The following ELOC variants were observed in gnomAD, a reference collection of about 807,000 sequenced individuals.
ELOC encodes the protein elongin-C.
For missense variants in ELOC, 38 were observed against 139.0 expected, an observed-to-expected ratio of 0.27 and a Z score of 3.65; for synonymous variants, 40 against 51.3, an observed-to-expected ratio of 0.78 and a Z score of 0.94.
At position 73,956,968 on chromosome 8, in the gene ELOC, G is replaced by A. The variant is rs566093582; in HGVS notation, c.5-914C>T. 1.5e-4 allele frequency among the ~76,000 whole-genome samples: 22 copies of A among 151,724 alleles called. No homozygotes were observed. In the East Asian group the frequency reaches 3.9e-3, roughly 27 times the overall value. ...CATCCTGGCTAACACAGTGGAGATC[G>A]AGACCATCCTGGCTAACACGGTGAA... On this transcript the variant is annotated intron_variant, in intron 2 of 3. Coordinates refer to ENST00000520242, the MANE Select transcript of ELOC (RefSeq NM_005648.4).
At chr8:73,957,407 C>G (rs533959750) in intron 2 of ELOC, among the ~76,000 whole-genome samples, 1 of 151,974 alleles carries the variant, frequency 6.6e-6, no homozygotes, top group Non-Finnish European at 1.5e-5. Flanking sequence ...TTAATTTTTA[C>G]AATTTTGTAC....
At chr8:73,954,452 G>A (rs529915227) in intron 3 of ELOC, among the ~76,000 whole-genome samples, 49 of 151,366 alleles carry the variant, frequency 3.2e-4, no homozygotes, top group African/African-American at 1.1e-3. Flanking sequence ...AGGTCAGATC[G>A]AGACCATCCT....
At chr8:73,966,910 G>A (rs1815016204) in intron 1 of ELOC, among the ~76,000 whole-genome samples, 1 of 152,080 alleles carries the variant, frequency 6.6e-6, no homozygotes, top group Non-Finnish European at 1.5e-5. Context: ...CTTGATTTCA[G>A]CCCTCCATAT....
intron 1 of ELOC, among the ~76,000 whole-genome samples, chr8:73,971,588 A>G (rs925843065): frequency 6.6e-6 from 1 of 152,096 alleles, no homozygotes; most frequent in East Asian, 1.9e-4. Context: ...GACGGCCAGT[A>G]GATGCACGAT....
chr8:73,969,383 GACT>G (rs764483317), intron 1 of ELOC, among the ~76,000 whole-genome samples: 1 of 152,116 alleles, frequency 6.6e-6, no homozygotes, highest in Non-Finnish European at 1.5e-5. Flanking sequence ...TTCCAAATCA[GACT>G]ACTACTCACT....
chr8:73,955,789 A>T, intron 3 of ELOC, 122 bp downstream of exon 3: 1 of 1,159,808 alleles, frequency 8.6e-7, no homozygotes, highest in Non-Finnish European at 1.2e-6. Flanking sequence ...ACAAAAACAT[A>T]ATCATACAAC....
At chr8:73,967,422 CTTTA>C (rs1304362295) in intron 1 of ELOC, among the ~76,000 whole-genome samples, 1 of 150,854 alleles carries the variant, frequency 6.6e-6, no homozygotes, top group Non-Finnish European at 1.5e-5. Flanking sequence ...TCCAACAAAA[CTTTA>C]TTTATGGGCA....
At chr8:73,952,772 G>GA (rs34157631) in intron 3 of ELOC, among the ~76,000 whole-genome samples, 51,268 of 138,756 alleles carry the variant, frequency 0.37, 9,488 homozygotes, top group East Asian at 0.43. Flanking sequence ...CAGGTGTCTC[G>GA]AAAAAAAAAA....
chr8:73,960,345 C>A (rs1490621206), intron 1 of ELOC, among the ~76,000 whole-genome samples: 1 of 152,174 alleles, frequency 6.6e-6, no homozygotes, highest in African/African-American at 2.4e-5. Flanking sequence ...GAGGTGGCCT[C>A]TAAATCCTTG....
At chr8:73,954,554 A>G (rs190767835) in intron 3 of ELOC, among the ~76,000 whole-genome samples, 139 of 151,504 alleles carry the variant, frequency 9.2e-4, no homozygotes, top group Admixed American at 1.9e-3. Flanking sequence ...TGGGAGGCTG[A>G]GGCATGAGAA....
At chr8:73,958,812 A>G (rs748746753) in intron 2 of ELOC, among the ~76,000 whole-genome samples, 1 of 152,208 alleles carries the variant, frequency 6.6e-6, no homozygotes, top group African/African-American at 2.4e-5. Flanking sequence ...ATAGTCATGC[A>G]TTGCTTAACG....
At chr8:73,962,949 A>T (rs111844851) in intron 1 of ELOC, among the ~76,000 whole-genome samples, 2 of 152,218 alleles carry the variant, frequency 1.3e-5, no homozygotes, top group Non-Finnish European at 2.9e-5. Flanking sequence ...CTAAAGAAAT[A>T]TAAGTTTGAG....
chr8:73,952,161 T>C (rs569993811), intron 3 of ELOC, among the ~76,000 whole-genome samples: 20 of 152,178 alleles, frequency 1.3e-4, no homozygotes, highest in African/African-American at 3.9e-4. Flanking sequence ...ATTAAAACTT[T>C]AGGAGGCCAA....
At chr8:73,948,576 TAAAAC>T (rs1472973910) in intron 3 of ELOC, among the ~76,000 whole-genome samples, 3 of 152,220 alleles carry the variant, frequency 2.0e-5, no homozygotes, top group East Asian at 1.9e-4. Flanking sequence ...TCTTAAAAGA[TAAAAC>T]AAAACAAACA....
At chr8:73,952,120 A>T (rs533440068) in intron 3 of ELOC, among the ~76,000 whole-genome samples, 8 of 152,308 alleles carry the variant, frequency 5.3e-5, no homozygotes, top group African/African-American at 1.7e-4. Context: ...TATGACACAA[A>T]AACCAAAGGA....
intron 1 of ELOC, among the ~76,000 whole-genome samples, chr8:73,966,745 AT>A (rs1243275657): frequency 4.6e-5 from 7 of 151,648 alleles, no homozygotes; most frequent in African/African-American, 1.7e-4. Context: ...AAGTGCTGCG[AT>A]TATAGGTGTG....
At chr8:73,965,252 T>G (rs1443624872) in intron 1 of ELOC, among the ~76,000 whole-genome samples, 1 of 152,148 alleles carries the variant, frequency 6.6e-6, no homozygotes, top group Non-Finnish European at 1.5e-5. Context: ...ACATTATTAC[T>G]TATCAGTGAA....
chr8:73,969,258 C>T (rs1324449692), intron 1 of ELOC, among the ~76,000 whole-genome samples: 1 of 152,198 alleles, frequency 6.6e-6, no homozygotes, highest in Non-Finnish European at 1.5e-5. Context: ...AGTACATGCA[C>T]TGCTGTTTAC....
chr8:73,966,483 T>C (rs922259504), intron 1 of ELOC, among the ~76,000 whole-genome samples: 2 of 129,508 alleles, frequency 1.5e-5, no homozygotes, highest in Admixed American at 7.7e-5. Context: ...GACCAAGCCA[T>C]GGGTCTTTTT....
Sources: gnomAD v4.1 joint callset for allele counts (sites outside exome capture counted in the v4.1 genomes callset) on GRCh38, gnomAD v4.1.1 for gene constraint, MANE v1.5 for transcripts, NCBI Gene and HGNC (gene_info 2026-07-23, HGNC 2026-07-21) for gene names.